PARVB: variants seen among roughly 807,000 people sequenced by gnomAD.
The protein encoded by PARVB is beta-parvin.
A neutral mutation model predicts 47.0 loss-of-function variants in PARVB; 46 were observed. The observed-to-expected ratio is 0.98, with a 90% CI of 0.77 to 1.25. The LOEUF (loss-of-function observed/expected upper bound fraction) is 1.25, where lower values mean the gene tolerates loss of function less well. PARVB is among the 50% of genes most tolerant of loss of function. PARVB has a pLI of 0.00. For synonymous variants in PARVB, 196 were observed against 196.3 expected (o/e 1.00, Z 0.01); for missense variants, 473 against 471.6 (o/e 1.00, Z -0.03).
intron 10 of PARVB, chr22:44,153,523 G>A (rs184497205): frequency 2.0e-5 from 3 of 152,174 alleles, no homozygotes; most frequent in Non-Finnish European, 2.9e-5. Flanking sequence ...TAGAGATGGG[G>A]TTTCACCATG....
chr22:44,143,922 C>T (rs562514032), intron 8 of PARVB: 8 of 152,556 alleles, frequency 5.2e-5, no homozygotes, highest in Admixed American at 2.0e-4. Context: ...TAGTAATTCC[C>T]CTTCACGTCT....
intron 1 of PARVB, among the ~76,000 whole-genome samples, chr22:44,036,086 G>C (rs992049651): frequency 4.6e-5 from 7 of 152,004 alleles, no homozygotes; most frequent in Admixed American, 6.6e-5. Flanking sequence ...GTGAAACCTT[G>C]TCTCTACTAA....
At chr22:44,101,409 AAAAAAAAT>A (rs2052442813) in intron 3 of PARVB, among the ~76,000 whole-genome samples, 1 of 139,758 alleles carries the variant, frequency 7.2e-6, no homozygotes, top group African/African-American at 3.3e-5. Context: ...CTCCGTCTCA[AAAAAAAAT>A]AAAAAATAAA....
At chr22:44,154,662 C>CTGTGTGG (rs71188432) in intron 10 of PARVB, among the ~76,000 whole-genome samples, 3 of 138,862 alleles carry the variant, frequency 2.2e-5, no homozygotes, top group African/African-American at 8.4e-5. Context: ...TTTACGTAGT[C>CTGTGTGG]TGTGTGGTGT....
At chr22:44,057,940 C>T (rs1364820961) in intron 1 of PARVB, among the ~76,000 whole-genome samples, 1 of 151,968 alleles carries the variant, frequency 6.6e-6, no homozygotes, top group Admixed American at 6.6e-5. Context: ...GGGCTGAGAG[C>T]CGCTAGACCT....
At chr22:44,093,849 C>T in intron 1 of PARVB, 79 bp from the exon 2 acceptor site, 2 of 812,028 alleles carry the variant, frequency 2.5e-6, no homozygotes, top group Non-Finnish European at 4.1e-6. Context: ...ATTGATTTCT[C>T]TCTGCGTCCA....
chr22:44,011,446 C>T (rs62226381), intron 2 of PARVB, among the ~76,000 whole-genome samples: 26,389 of 151,942 alleles, frequency 0.17, 2,321 homozygotes, highest in Middle Eastern at 0.21. Context: ...AACCCTGTCT[C>T]TACTTTATAC....
At chr22:44,117,282 C>T (rs1468642597) in intron 3 of PARVB, among the ~76,000 whole-genome samples, 2 of 151,340 alleles carry the variant, frequency 1.3e-5, no homozygotes, top group Non-Finnish European at 2.9e-5. Context: ...CTCAGGCATG[C>T]ATCATGTAAG....
At chr22:44,119,691 T>C in intron 4 of PARVB, 1 of 473,704 alleles carries the variant, frequency 2.1e-6, no homozygotes, top group South Asian at 1.5e-5. Flanking sequence ...TCCCGAGGGC[T>C]GGGTACCAGG....
chr22:44,101,189 C>A (rs938216975), intron 3 of PARVB, among the ~76,000 whole-genome samples: 3 of 151,806 alleles, frequency 2.0e-5, no homozygotes, highest in African/African-American at 7.3e-5. Flanking sequence ...GCGGGCGGAT[C>A]ACGAGGTCAG....
At chr22:44,109,013 C>T (rs920639995) in intron 3 of PARVB, 3 of 152,322 alleles carry the variant, frequency 2.0e-5, no homozygotes, top group South Asian at 2.1e-4. Flanking sequence ...CGTCTCCCCC[C>T]AAGAGCAGGT....
At chr22:44,004,404 C>G (rs759246169) in intron 2 of PARVB, among the ~76,000 whole-genome samples, 4 of 152,112 alleles carry the variant, frequency 2.6e-5, no homozygotes, top group Admixed American at 6.5e-5. Context: ...GTGACCCCCC[C>G]CTTACTCTCA....
At chr22:44,072,484 A>C (rs553642681) in intron 1 of PARVB, among the ~76,000 whole-genome samples, 2 of 152,292 alleles carry the variant, frequency 1.3e-5, no homozygotes, top group Non-Finnish European at 2.9e-5. Context: ...CCTGTTGCCC[A>C]GGCTGGAGTG....
At position 44,140,108 on chromosome 22, in the gene PARVB, G is replaced by A. The variant is rs1305337490; in HGVS notation, c.693-16G>A. 8.1e-6 allele frequency: 13 copies of A among 1,613,972 alleles called. No individual in the cohort carries two copies. Among genetic ancestry groups the A allele is most frequent in the Non-Finnish European group, 1.1e-5 (13 of 1,179,956 alleles). ...AGTGACCCATCTCATGGCTCTCTCT[G>A]TGTTCTTGTTTGCAGGATGATGATG... On this transcript the variant is annotated splice_polypyrimidine_tract_variant and intron_variant, in intron 7 of 12. Transcript: ENST00000338758.
intron 1 of PARVB, among the ~76,000 whole-genome samples, chr22:44,054,990 C>CA (rs3083343): frequency 2.8e-3 from 195 of 70,030 alleles, no homozygotes; most frequent in Non-Finnish European, 3.9e-3. Context: ...AACTCCATCT[C>CA]AAAAAAAAAA....
chr22:44,098,255 C>A (rs1047846953), intron 2 of PARVB, among the ~76,000 whole-genome samples: 3 of 152,204 alleles, frequency 2.0e-5, no homozygotes, highest in African/African-American at 7.2e-5. Context: ...CACGGCCTGG[C>A]CCTGCTCCTT....
intron 1 of PARVB, among the ~76,000 whole-genome samples, chr22:44,035,242 A>T (rs2050898656): frequency 6.6e-6 from 1 of 152,188 alleles, no homozygotes; most frequent in Non-Finnish European, 1.5e-5. Context: ...GCACGTTTAC[A>T]ACATGCGTTT....
chr22:44,088,260 A>G (rs548106283), intron 1 of PARVB, among the ~76,000 whole-genome samples: 2 of 152,258 alleles, frequency 1.3e-5, no homozygotes, highest in African/African-American at 2.4e-5. Context: ...AGATAGTTAC[A>G]TGGCTGTGTG....
chr22:44,096,399 A>G (rs2052308682), intron 2 of PARVB, among the ~76,000 whole-genome samples: 1 of 152,130 alleles, frequency 6.6e-6, no homozygotes, highest in African/African-American at 2.4e-5. Context: ...CCTTGTCTCA[A>G]AAAATAATAA....
Sources: allele counts gnomAD v4.1 joint callset (sites outside exome capture counted in the v4.1 genomes callset), GRCh38; gene constraint gnomAD v4.1.1; transcripts MANE v1.5; gene names NCBI Gene and HGNC (gene_info 2026-07-23, HGNC 2026-07-21).